CNTNAP5: variants seen among roughly 807,000 people sequenced by gnomAD.
CNTNAP5 encodes the protein contactin associated protein family member 5.
In CNTNAP5, 72 loss-of-function variants were observed where a neutral mutation model predicts 150.2. That is an observed-to-expected ratio of 0.48 (90% CI 0.40 to 0.58). The LOEUF is 0.58. Among genes scored for constraint, CNTNAP5 ranks in the 20% least tolerant of loss-of-function variants. The pLI, the probability that CNTNAP5 is intolerant of heterozygous loss-of-function variation, is 0.00. For synonymous variants in CNTNAP5, 672 were observed against 619.8 expected (o/e 1.08, Z -1.25); for missense variants, 1,636 against 1,626.2 (o/e 1.01, Z -0.10).
intron 1 of CNTNAP5, among the ~76,000 whole-genome samples, chr2:124,042,112 C>T (rs556334189): frequency 4.6e-5 from 7 of 152,158 alleles, no homozygotes; most frequent in Non-Finnish European, 7.3e-5. Flanking sequence ...CCACCTGCCT[C>T]GGCCCCGCAA....
At chr2:124,221,863 G>A (rs1336552274) in intron 2 of CNTNAP5, 54 bp downstream of exon 2, 1 of 1,169,812 alleles carries the variant, frequency 8.5e-7, no homozygotes, top group East Asian at 2.5e-5. Context: ...TACGTGGTGG[G>A]TAGGTGAAGG....
At chr2:124,380,490 A>G (rs1478841871) in intron 3 of CNTNAP5, among the ~76,000 whole-genome samples, 3 of 152,204 alleles carry the variant, frequency 2.0e-5, no homozygotes, top group Non-Finnish European at 4.4e-5. Context: ...ACAGGAGCCT[A>G]GCCTAAGTCC....
At position 124,244,032 on chromosome 2, in the gene CNTNAP5, T is replaced by C. The variant is rs1490850973; in HGVS notation, c.381+1639T>C. Among the ~76,000 whole-genome samples, 4 of 152,168 alleles carry C rather than the reference T, an allele frequency of 2.6e-5. No homozygotes were observed. In the East Asian group the frequency reaches 7.7e-4, roughly 29 times the overall value. ...TTTTTGTTTTCTCTGGTACTTGTCA[T>C]TGGGACTGGTTGTCTTTAGATTGAG... On this transcript the variant is annotated intron_variant, in intron 3 of 23. Coordinates refer to ENST00000682447, the MANE Select transcript of CNTNAP5 (RefSeq NM_001367498.1).
At chr2:124,176,161 C>A (rs1361541250) in intron 1 of CNTNAP5, among the ~76,000 whole-genome samples, 1 of 152,202 alleles carries the variant, frequency 6.6e-6, no homozygotes, top group African/African-American at 2.4e-5. Context: ...TGTCCCTGGT[C>A]TAAAGAAGTG....
intron 1 of CNTNAP5, among the ~76,000 whole-genome samples, chr2:124,142,474 G>A (rs1264597332): frequency 2.0e-5 from 3 of 147,864 alleles, no homozygotes; most frequent in Non-Finnish European, 3.0e-5. Flanking sequence ...TAGAACTCAG[G>A]ATTAAGAATC....
intron 10 of CNTNAP5, among the ~76,000 whole-genome samples, chr2:124,542,998 C>T (rs546924119): frequency 1.7e-4 from 26 of 152,200 alleles, no homozygotes; most frequent in East Asian, 3.9e-4. Flanking sequence ...GGTTGCTATC[C>T]GAGATTTAGG....
rs546018623 is a variant in CNTNAP5, at chr2:124,781,494, G to A, written c.2753-8408G>A. On this transcript the variant is annotated intron_variant, in intron 17 of 23. Transcript: ENST00000682447. ...GAAATTTGCCCTTGGAAGGCAGCCT[G>A]AGACTTGTGTGCCCACTCAGTGTGT... Among the ~76,000 whole-genome samples the A allele has an allele frequency of 6.6e-5, 10 of 152,316 alleles. No homozygotes were observed. The South Asian group carries it at 1.9e-3, about 28-fold the overall frequency.
chr2:124,740,433 G>C (rs1418650331), intron 13 of CNTNAP5, among the ~76,000 whole-genome samples: 1 of 152,128 alleles, frequency 6.6e-6, no homozygotes, highest in African/African-American at 2.4e-5. Context: ...GTGTTTGAAG[G>C]GGACAAAGGC....
intron 7 of CNTNAP5, among the ~76,000 whole-genome samples, chr2:124,492,526 A>AT (rs1406830184): frequency 6.6e-6 from 1 of 151,816 alleles, no homozygotes; most frequent in Non-Finnish European, 1.5e-5. Context: ...TTTCAGCTTT[A>AT]TTTTTTCCTC....
intron 21 of CNTNAP5, among the ~76,000 whole-genome samples, chr2:124,891,995 T>A (rs1678204714): frequency 6.6e-6 from 1 of 152,078 alleles, no homozygotes. Context: ...TGGCTAGAGC[T>A]TTTAAAGTCA....
chr2:124,453,350 A>G (rs1693036239), intron 6 of CNTNAP5, among the ~76,000 whole-genome samples: 1 of 151,766 alleles, frequency 6.6e-6, no homozygotes, highest in South Asian at 2.1e-4. Context: ...AGAATAAGAA[A>G]ATATGAACAA....
intron 1 of CNTNAP5, among the ~76,000 whole-genome samples, chr2:124,041,055 T>G (rs943977111): frequency 1.3e-5 from 2 of 152,132 alleles, no homozygotes; most frequent in Admixed American, 1.3e-4. Flanking sequence ...GGCAAACATA[T>G]CATAATTAAG....
chr2:124,485,636 A>G (rs1023478914), intron 7 of CNTNAP5, among the ~76,000 whole-genome samples: 1 of 148,660 alleles, frequency 6.7e-6, no homozygotes, highest in Non-Finnish European at 1.5e-5. Flanking sequence ...AAAAAAAAAG[A>G]AGAAGGTGCA....
At chr2:124,361,809 G>A (rs1690207901) in intron 3 of CNTNAP5, among the ~76,000 whole-genome samples, 1 of 152,144 alleles carries the variant, frequency 6.6e-6, no homozygotes, top group South Asian at 2.1e-4. Flanking sequence ...GAGGCAGGCA[G>A]GCCTCCTTGA....
chr2:124,049,144 T>G (rs528596559), intron 1 of CNTNAP5, among the ~76,000 whole-genome samples: 1 of 152,214 alleles, frequency 6.6e-6, no homozygotes, highest in African/African-American at 2.4e-5. Context: ...TTTATCACTG[T>G]TAACGTCCCT....
intron 7 of CNTNAP5, among the ~76,000 whole-genome samples, chr2:124,478,231 T>G (rs2104837076): frequency 6.6e-6 from 1 of 152,300 alleles, no homozygotes; most frequent in East Asian, 1.9e-4. Context: ...CTTTGCTAAG[T>G]GTTGTGGTGA....
intron 13 of CNTNAP5, among the ~76,000 whole-genome samples, chr2:124,708,997 G>T (rs188246447): frequency 1.3e-5 from 2 of 152,118 alleles, no homozygotes; most frequent in South Asian, 4.1e-4. Flanking sequence ...CTCACCGTGC[G>T]CTGTGCTTCA....
intron 1 of CNTNAP5, among the ~76,000 whole-genome samples, chr2:124,184,540 G>A (rs1234448980): frequency 1.3e-5 from 2 of 152,146 alleles, no homozygotes; most frequent in African/African-American, 4.8e-5. Flanking sequence ...ATTTCTCTGT[G>A]TTAAATCTGA....
At chr2:124,509,065 T>C (rs540029190) in intron 8 of CNTNAP5, among the ~76,000 whole-genome samples, 429 of 152,304 alleles carry the variant, frequency 2.8e-3, no homozygotes, top group Admixed American at 6.6e-3. Context: ...AAAGGTTTAT[T>C]TGAGACTAGT....
Sources: gnomAD v4.1 joint callset for allele counts (sites outside exome capture counted in the v4.1 genomes callset) on GRCh38, gnomAD v4.1.1 for gene constraint, MANE v1.5 for transcripts, NCBI Gene and HGNC (gene_info 2026-07-23, HGNC 2026-07-21) for gene names.